Variants in NXN observed in about 807,000 individuals in gnomAD.
NXN encodes nucleoredoxin.
A neutral mutation model predicts 48.6 loss-of-function variants in NXN; 16 were observed. The ratio of observed to expected loss-of-function variants is 0.33; its 90% CI spans 0.22 to 0.50. The LOEUF is 0.50. Ranked by LOEUF, NXN falls within the 20% of genes least tolerant of loss-of-function variation. The pLI, the probability that NXN is intolerant of heterozygous loss-of-function variation, is 0.98. For synonymous variants in NXN, 281 were observed against 269.6 expected, an observed-to-expected ratio of 1.04 and a Z score of -0.41; for missense variants, 492 against 605.5, an observed-to-expected ratio of 0.81 and a Z score of 1.97.
chr17:808,614 C>G (rs948516470), intron 5 of NXN, among the ~76,000 whole-genome samples: 6 of 151,122 alleles, frequency 4.0e-5, no homozygotes, highest in African/African-American at 1.5e-4. Context: ...CACTTATTAG[C>G]AGAGTACCTG....
chr17:809,033 T>A (rs1911754509), intron 5 of NXN, among the ~76,000 whole-genome samples: 2 of 151,680 alleles, frequency 1.3e-5, no homozygotes, highest in African/African-American at 2.4e-5. Context: ...AAGGCAGACA[T>A]ACGGAAAACT....
chr17:829,172 G>A (rs1412621211), intron 1 of NXN, among the ~76,000 whole-genome samples: 3 of 150,902 alleles, frequency 2.0e-5, no homozygotes, highest in Non-Finnish European at 3.0e-5. Flanking sequence ...CGGGGTGGTG[G>A]GGCAAACAGA....
Position 855,435 on chromosome 17 carries a change from T to A in NXN, c.361-29357A>T, listed in dbSNP as rs1208222264. ...AATGTTTTCCACCCAATCCAAGATA[T>A]CTTCTTTGCGGCTAGTAAAAACTTG... On this transcript the variant is annotated intron_variant, in intron 1 of 7. Transcript: ENST00000336868. Among the ~76,000 whole-genome samples, 6 of 152,164 alleles carry A rather than the reference T, an allele frequency of 3.9e-5. No homozygotes were observed. In the South Asian group the frequency reaches 1.0e-3, roughly 26 times the overall value.
rs1913079851 is a variant in NXN at position 825,983 on chromosome 17, C to T, written c.456G>A (p.Leu152=). ...TGKVVCRNGL[L]VIRDDPEGLE... ...TACCTTCTGGGTCATCTCGGATCAC[C>T]AGCAGCCCGTTCCTGCACACAACCT... Residue 152 remains leucine (L), a synonymous_variant, in exon 2 of 8, where the codon CTG becomes CTA. Transcript: ENST00000336868. This position sits in a 1 kb window ranked among gnomAD's most constrained non-coding sequence, Gnocchi z 4.1. 1.2e-6 allele frequency: 2 copies of T among 1,612,880 alleles called. No homozygotes were observed. Among genetic ancestry groups the T allele is most frequent in the Admixed American group, 1.7e-5 (1 of 59,894 alleles).
At chr17:820,664 C>G (rs1677640798) in intron 4 of NXN, among the ~76,000 whole-genome samples, 1 of 70,562 alleles carries the variant, frequency 1.4e-5, no homozygotes, top group Admixed American at 1.4e-4. Context: ...TGGCTCACAC[C>G]TGTAATCCCA....
At chr17:941,338 C>A (rs1199166331) in intron 1 of NXN, among the ~76,000 whole-genome samples, 1 of 140,018 alleles carries the variant, frequency 7.1e-6, no homozygotes, top group Admixed American at 7.2e-5. Flanking sequence ...ATGAATTCAC[C>A]ACACACCTCC....
At chr17:968,444 A>G (rs531374034) in intron 1 of NXN, among the ~76,000 whole-genome samples, 10 of 151,936 alleles carry the variant, frequency 6.6e-5, no homozygotes, top group African/African-American at 2.2e-4. Flanking sequence ...GTGGTGGTGC[A>G]CACCTGCATT....
In NXN at chr17:917,672, G is replaced by A. The variant is rs532523908; in HGVS notation, c.360+61647C>T. On this transcript the variant is annotated intron_variant, in intron 1 of 7. Transcript: ENST00000336868. This position sits in a 1 kb window ranked among gnomAD's most constrained non-coding sequence, Gnocchi z 4.5. ...CATCTCAACCCAATGTAGGCCACCCGCTGCAGGCGAGCTTCCCTACCCAAT... is the reference window on the plus strand; with the variant it reads ...CATCTCAACCCAATGTAGGCCACCCACTGCAGGCGAGCTTCCCTACCCAAT... Among the ~76,000 whole-genome samples, 2 of 152,324 alleles carry A rather than the reference G, an allele frequency of 1.3e-5. No individual in the cohort carries two copies. Among genetic ancestry groups the A allele is most frequent in the African/African-American group, 4.8e-5 (2 of 41,568 alleles).
chr17:958,554 C>T lies in NXN; in HGVS notation c.360+20765G>A, dbSNP rs931142306. 3.9e-5 allele frequency among the ~76,000 whole-genome samples: 6 copies of T among 152,028 alleles called. No individual in the cohort carries two copies. Among genetic ancestry groups the T allele is most frequent in the Admixed American group, 1.3e-4 (2 of 15,224 alleles). ...TTGGGAGGCCGAAGCGGGTGGATCA[C>T]GAGGTCAGGAGTTCGAGACCAGCCT... On this transcript the variant is annotated intron_variant, in intron 1 of 7. Transcript: ENST00000336868. The surrounding 1 kb of genome is among the most constrained non-coding windows in gnomAD (Gnocchi z 6.9).
intron 5 of NXN, among the ~76,000 whole-genome samples, chr17:818,727 T>C (rs1258309221): frequency 6.6e-6 from 1 of 151,720 alleles, no homozygotes; most frequent in Non-Finnish European, 1.5e-5. Flanking sequence ...CTACTAAAAA[T>C]ACAAAAAATT....
intron 1 of NXN, among the ~76,000 whole-genome samples, chr17:871,130 G>A (rs1378882030): frequency 3.9e-5 from 6 of 151,962 alleles, no homozygotes; most frequent in Admixed American, 3.9e-4. Flanking sequence ...CAAAGTGCTG[G>A]GATTACAGGC....
chr17:931,834 CA>C (rs34072582), intron 1 of NXN, among the ~76,000 whole-genome samples: 16,040 of 88,004 alleles, frequency 0.18, 948 homozygotes, highest in South Asian at 0.26. Context: ...GACTCCGTCT[CA>C]AAAAAAAAAA....
At position 945,158 on chromosome 17, in the gene NXN, T is replaced by C. The variant is rs1441231483; in HGVS notation, c.360+34161A>G. ...GTGCAGCGGCACAGTCTCGGCTCAC[T>C]GTAACCTCCGCCTCCCGGGTTCAAG... On this transcript the variant is annotated intron_variant, in intron 1 of 7. Coordinates refer to ENST00000336868, the MANE Select transcript of NXN (RefSeq NM_022463.5). Among the ~76,000 whole-genome samples the C allele has an allele frequency of 4.6e-5, 7 of 152,084 alleles. No homozygotes were observed. In the South Asian group the frequency reaches 6.2e-4, roughly 14 times the overall value.
chr17:829,917 T>A (rs1913361516), intron 1 of NXN, among the ~76,000 whole-genome samples: 1 of 152,192 alleles, frequency 6.6e-6, no homozygotes, highest in Admixed American at 6.5e-5. Context: ...TCGTAAACAG[T>A]GCTGCAATAA....
intron 1 of NXN, among the ~76,000 whole-genome samples, chr17:853,139 G>A (rs1253034929): frequency 2.0e-5 from 3 of 151,462 alleles, no homozygotes; most frequent in Admixed American, 6.6e-5. Flanking sequence ...CACCATGCCC[G>A]GCTAAAAACA....
chr17:924,398 C>T (rs1279671345), intron 1 of NXN, among the ~76,000 whole-genome samples: 4 of 152,216 alleles, frequency 2.6e-5, no homozygotes, highest in East Asian at 1.9e-4. Flanking sequence ...CCACTACGTC[C>T]GGCTAATTTT....
chr17:822,337 C>A lies in NXN; in HGVS notation c.713+20G>T, dbSNP rs923228060. 3.2e-6 allele frequency: 5 copies of A among 1,564,566 alleles called. No individual in the cohort carries two copies. The highest frequency in any genetic ancestry group is 3.4e-5 in the Admixed American group (2 of 59,356). On this transcript the variant is annotated intron_variant, in intron 4 of 7. Coordinates refer to ENST00000336868, the MANE Select transcript of NXN (RefSeq NM_022463.5). ...AGCTACCTACAGAAAAGGGGCCCAG[C>A]ACTTCACGGCACGACTGACCTGTCT... is the stretch of plus-strand genomic sequence containing the variant.
At chr17:812,982 A>G (rs933307223) in intron 5 of NXN, among the ~76,000 whole-genome samples, 6 of 151,844 alleles carry the variant, frequency 4.0e-5, no homozygotes, top group African/African-American at 1.5e-4. Context: ...GTGTGTGTGC[A>G]CATGTGAATG....
At chr17:841,548 G>A (rs375159958) in intron 1 of NXN, among the ~76,000 whole-genome samples, 2 of 44,064 alleles carry the variant, frequency 4.5e-5, no homozygotes, top group Admixed American at 2.7e-4. Flanking sequence ...ATCTCACGCC[G>A]GCGAGCAGGT....
Sources: allele counts gnomAD v4.1 joint callset (sites outside exome capture counted in the v4.1 genomes callset), GRCh38; gene constraint gnomAD v4.1.1; non-coding constraint Gnocchi (gnomAD v3.1); transcripts MANE v1.5; gene names NCBI Gene and HGNC (gene_info 2026-07-23, HGNC 2026-07-21).